The following MYO5A variants were observed in gnomAD, a reference collection of about 807,000 sequenced individuals.
The protein encoded by MYO5A is myosin VA.
Under a neutral mutation model 249.7 loss-of-function variants are expected in MYO5A, and 98 were observed. That is an observed-to-expected ratio of 0.39 (90% CI 0.33 to 0.46). The LOEUF is 0.46. MYO5A is among the 20% of genes least tolerant of loss of function. The probability of loss-of-function intolerance (pLI) is 0.98; values close to 1 mark genes in which losing one functional copy is unlikely to be tolerated. For missense variants in MYO5A, 1,696 were observed against 2,308.8 expected, an observed-to-expected ratio of 0.73 and a Z score of 5.44; for synonymous variants, 778 against 810.6, an observed-to-expected ratio of 0.96 and a Z score of 0.68.
At chr15:52,517,300 CCATAA>C (rs1167225028) in intron 1 of MYO5A, among the ~76,000 whole-genome samples, 3 of 152,188 alleles carry the variant, frequency 2.0e-5, no homozygotes, top group Non-Finnish European at 4.4e-5. Context: ...AAGATGCTCA[CCATAA>C]CATATCACTT....
intron 21 of MYO5A, 134 bp from the exon 22 acceptor site, chr15:52,370,551 C>A: frequency 1.1e-6 from 1 of 875,630 alleles, no homozygotes; most frequent in Non-Finnish European, 1.8e-6. Context: ...CAAAATACTA[C>A]AACATTTGCA....
chr15:52,318,953 C>G, intron 39 of MYO5A, 107 bp downstream of exon 39: 1 of 1,404,832 alleles, frequency 7.1e-7, no homozygotes, highest in South Asian at 1.2e-5. Flanking sequence ...CCACATGGCA[C>G]CAGACATGAG....
At chr15:52,469,857 T>C (rs552915768) in intron 1 of MYO5A, among the ~76,000 whole-genome samples, 6 of 152,350 alleles carry the variant, frequency 3.9e-5, no homozygotes, top group African/African-American at 1.2e-4. Context: ...CTCATCTCCA[T>C]CAAGTTGGCT....
chr15:52,474,142 C>G (rs2076538343), intron 1 of MYO5A, among the ~76,000 whole-genome samples: 1 of 152,146 alleles, frequency 6.6e-6, no homozygotes. Flanking sequence ...ATTTTATTCT[C>G]TTTGAAGCAA....
Position 52,453,412 on chromosome 15 carries a change from T to C in MYO5A, c.28-20127A>G, listed in dbSNP as rs192523171. 5.6e-3 allele frequency among the ~76,000 whole-genome samples: 853 copies of C among 151,922 alleles called. 6 individuals are homozygous for C. The highest frequency in any genetic ancestry group is 0.019 in the African/African-American group (798 of 41,410). The stretch of plus-strand genomic sequence containing the variant: ...TGAGAGAATTCACCACCACCAGACC[T>C]GTCTTATAAGAAATACTAAAGGGAG... On this transcript the variant is annotated intron_variant, in intron 1 of 41. Coordinates refer to ENST00000399233, the MANE Select transcript of MYO5A (RefSeq NM_001382347.1).
intron 8 of MYO5A, among the ~76,000 whole-genome samples, chr15:52,406,977 C>G (rs1051067404): frequency 6.6e-6 from 1 of 152,108 alleles, no homozygotes; most frequent in Non-Finnish European, 1.5e-5. Context: ...AAGTAGCCCT[C>G]CCCTGATGCC....
chr15:52,518,967 T>C (rs2077555355), intron 1 of MYO5A, among the ~76,000 whole-genome samples: 1 of 152,090 alleles, frequency 6.6e-6, no homozygotes, highest in Non-Finnish European at 1.5e-5. Flanking sequence ...CCATTATAGG[T>C]GTGGGATGTA....
At chr15:52,488,230 C>A (rs1241214820) in intron 1 of MYO5A, among the ~76,000 whole-genome samples, 1 of 151,332 alleles carries the variant, frequency 6.6e-6, no homozygotes, top group Admixed American at 6.6e-5. Context: ...GACAGAGAAG[C>A]TTATTTTTGT....
intron 29 of MYO5A, among the ~76,000 whole-genome samples, chr15:52,346,895 T>C (rs1161229181): frequency 6.6e-6 from 1 of 151,862 alleles, no homozygotes; most frequent in African/African-American, 2.4e-5. Flanking sequence ...CTAGTTACAA[T>C]GAGCAGATGC....
At chr15:52,461,078 G>C (rs1215038776) in intron 1 of MYO5A, among the ~76,000 whole-genome samples, 2 of 152,130 alleles carry the variant, frequency 1.3e-5, no homozygotes, top group African/African-American at 4.8e-5. Context: ...TCAGCCTCCT[G>C]AGTAATTGTG....
At position 52,308,178 on chromosome 15, in the gene MYO5A, C is replaced by T. The variant is rs2037675444; in HGVS notation, c.*5518G>A. On this transcript the variant is annotated 3_prime_UTR_variant, in exon 42 of 42. Transcript: ENST00000399233. ...TGAGGAAACGTTAGTCATATGAATCCAATAACGCCCATTAAGTTAAGCTAA... is the reference window on the plus strand; with the variant it reads ...TGAGGAAACGTTAGTCATATGAATCTAATAACGCCCATTAAGTTAAGCTAA... 1.3e-5 allele frequency: 2 copies of T among 152,098 alleles called. No individual in the cohort carries two copies. The highest frequency in any genetic ancestry group is 2.9e-5 in the Non-Finnish European group (2 of 68,006). The allele number at this position is 152,098 out of a possible 1,614,324, so 9.4% of individuals were successfully genotyped here. A position where few individuals can be genotyped will look rare whatever the true frequency, so the allele number is the denominator to read the frequency against.
chr15:52,435,539 G>T (rs751696035), intron 1 of MYO5A: 2 of 407,450 alleles, frequency 4.9e-6, no homozygotes, highest in Non-Finnish European at 9.6e-6. Flanking sequence ...GGCCTCTCAA[G>T]GTGCTGGGAT....
intron 1 of MYO5A, chr15:52,435,578 A>G (rs1186588696): frequency 4.5e-6 from 2 of 447,186 alleles, no homozygotes; most frequent in Admixed American, 2.4e-5. Context: ...TGCCCAGCCT[A>G]TGTTAACCTC....
intron 13 of MYO5A, among the ~76,000 whole-genome samples, chr15:52,388,495 C>T (rs907300174): frequency 6.6e-6 from 1 of 152,198 alleles, no homozygotes; most frequent in Non-Finnish European, 1.5e-5. Context: ...CATGACAAAA[C>T]CTTTAGGTGG....
intron 1 of MYO5A, among the ~76,000 whole-genome samples, chr15:52,499,586 A>G (rs561841626): frequency 1.2e-4 from 19 of 152,282 alleles, no homozygotes; most frequent in African/African-American, 3.9e-4. Context: ...ATCACACAGT[A>G]TGTGTCTTTT....
At chr15:52,357,304 C>T (rs1014408885) in intron 25 of MYO5A, among the ~76,000 whole-genome samples, 1 of 151,870 alleles carries the variant, frequency 6.6e-6, no homozygotes. Flanking sequence ...TGTCATAGAA[C>T]CTTTCATTCT....
At chr15:52,467,784 T>C (rs2076381532) in intron 1 of MYO5A, among the ~76,000 whole-genome samples, 1 of 152,162 alleles carries the variant, frequency 6.6e-6, no homozygotes, top group Non-Finnish European at 1.5e-5. Flanking sequence ...AAAAGCACAC[T>C]TAGTTGCCTA....
At chr15:52,357,510 CTA>C (rs2040301243) in intron 25 of MYO5A, among the ~76,000 whole-genome samples, 1 of 148,312 alleles carries the variant, frequency 6.7e-6, no homozygotes. Context: ...TTGGCTAATA[CTA>C]TATAAACAAC....
intron 1 of MYO5A, among the ~76,000 whole-genome samples, chr15:52,463,811 A>C (rs74016805): frequency 8.5e-4 from 130 of 152,370 alleles, no homozygotes; most frequent in African/African-American, 3.1e-3. Context: ...AGCTTCCACC[A>C]GATCAAAAGT....
Sources: gnomAD v4.1 joint callset for allele counts (sites outside exome capture counted in the v4.1 genomes callset) on GRCh38, gnomAD v4.1.1 for gene constraint, MANE v1.5 for transcripts, NCBI Gene and HGNC (gene_info 2026-07-23, HGNC 2026-07-21) for gene names.